ABCA9: variants seen among roughly 807,000 people sequenced by gnomAD.
ABCA9 encodes the protein ATP binding cassette subfamily A member 9, also known as ATP-binding cassette sub-family A member 9.
In ABCA9, 183 loss-of-function variants were observed where a neutral mutation model predicts 205.3. The ratio of observed to expected loss-of-function variants is 0.89; its 90% CI spans 0.79 to 1.01. The LOEUF (loss-of-function observed/expected upper bound fraction) is 1.01. Ranked by LOEUF, ABCA9 falls within the 50% of genes least tolerant of loss-of-function variation. ABCA9 has a pLI of 0.00. For synonymous variants in ABCA9, 651 were observed against 683.3 expected (o/e 0.95, Z 0.74); for missense variants, 1,805 against 1,912.4 (o/e 0.94, Z 1.05).
chr17:69,036,897 AAGC>A (rs2071359729), intron 6 of ABCA9, among the ~76,000 whole-genome samples: 2 of 144,548 alleles, frequency 1.4e-5, no homozygotes, highest in African/African-American at 5.2e-5. Flanking sequence ...AAAAAAAAAA[AAGC>A]AGAGGTTGCA....
chr17:69,045,101 C>T (rs1409650241), intron 4 of ABCA9, 71 bp downstream of exon 4: 3 of 1,297,934 alleles, frequency 2.3e-6, no homozygotes, highest in Non-Finnish European at 3.2e-6. Context: ...TTCACCTCTG[C>T]TATCAGGTAT....
At chr17:69,049,980 A>T (rs1259034041) in intron 2 of ABCA9, among the ~76,000 whole-genome samples, 2 of 152,252 alleles carry the variant, frequency 1.3e-5, no homozygotes, top group South Asian at 2.1e-4. Flanking sequence ...TCGTGACCAC[A>T]TTCGGGAATT....
In ABCA9 at chr17:69,027,081, C is replaced by T; in HGVS notation, c.1945G>A (p.Asp649Asn). ...CATATTCGGTGCCTTGAAAGAGGAT[C>T]CAATCCAGCAGTCGGTTCATCCAAT... ...LLLDEPTAGL[D>N]PLSRHRIWNL... The change falls in exon 15 of 39, where the codon GAT becomes AAT. Residue 649 changes from aspartate to asparagine, a missense_variant. By Grantham distance (23) the Asp-to-Asn change is conservative. Coordinates refer to ENST00000340001, the MANE Select transcript of ABCA9 (RefSeq NM_080283.4). 6.2e-7 allele frequency: 1 copy of T among 1,614,106 alleles called. No homozygotes were observed.
chr17:69,031,871 A>G (rs779982627), intron 10 of ABCA9, among the ~76,000 whole-genome samples: 16 of 152,240 alleles, frequency 1.1e-4, no homozygotes, highest in Non-Finnish European at 1.6e-4. Flanking sequence ...AAATTCAAAA[A>G]TTATTTACTT....
At chr17:69,009,466 T>C (rs555317189) in intron 23 of ABCA9, among the ~76,000 whole-genome samples, 1 of 152,292 alleles carries the variant, frequency 6.6e-6, no homozygotes, top group African/African-American at 2.4e-5. Context: ...TGGAGCATGG[T>C]TATCAAGGTG....
rs1404041550 is a variant in ABCA9 at position 68,986,245 on chromosome 17, T to C, written c.4127A>G (p.Asn1376Ser). The C allele has an allele frequency of 5.6e-6, 9 of 1,613,990 alleles. No individual in the cohort carries two copies. Among genetic ancestry groups the C allele is most frequent in the African/African-American group, 2.7e-5 (2 of 74,930 alleles). ...YCPQENALWP[N>S]LTVRQHLEVY... ...CTCCAGGTGCTGCCTCACTGTCAGG[T>C]TGGGCCACAGCGCATTCTCCTGAGG... Residue 1376 changes from asparagine (N) to serine (S), a missense_variant, in exon 32 of 39, where the codon AAC becomes AGC. Asn to Ser is a conservative substitution (Grantham distance 46, BLOSUM62 1). Coordinates refer to ENST00000340001, the MANE Select transcript of ABCA9 (RefSeq NM_080283.4).
At chr17:69,046,875 C>CTCTATA (rs1827921165) in intron 3 of ABCA9, among the ~76,000 whole-genome samples, 2 of 127,766 alleles carry the variant, frequency 1.6e-5, no homozygotes, top group South Asian at 5.1e-4. Flanking sequence ...CGATTTTATA[C>CTCTATA]TATATATATA....
the ABCA9 span, chr17:69,078,894 T>C: frequency 2.5e-6 from 2 of 785,914 alleles, no homozygotes; most frequent in Non-Finnish European, 3.8e-6. Flanking sequence ...AAATGATCTT[T>C]AAAATTAAAC....
Position 69,035,432 on chromosome 17 carries a change from C to T in ABCA9, c.943-1G>A. Reference sequence around the variant, plus strand: ...CACTCATCAGGAAAGCTAAAGTTATCTGAGAAAAGAGAAAGACTTCAGCTG... The same window carrying T: ...CACTCATCAGGAAAGCTAAAGTTATTTGAGAAAAGAGAAAGACTTCAGCTG... On this transcript the variant is annotated splice_acceptor_variant, in intron 7 of 38. Coordinates refer to ENST00000340001, the MANE Select transcript of ABCA9 (RefSeq NM_080283.4). LOFTEE classifies it high-confidence loss of function. 6.4e-7 allele frequency: 1 copy of T among 1,563,008 alleles called. No homozygotes were observed. Among genetic ancestry groups the T allele is most frequent in the Non-Finnish European group, 8.6e-7 (1 of 1,160,382 alleles).
At chr17:69,029,274 G>A (rs749881750) in intron 10 of ABCA9, 47 bp from the exon 11 acceptor site, 5 of 1,253,258 alleles carry the variant, frequency 4.0e-6, no homozygotes, top group Non-Finnish European at 5.6e-6. Context: ...AAAATGTGCA[G>A]AGGATTGATA....
chr17:69,045,504 T>C (rs557085412), intron 3 of ABCA9, among the ~76,000 whole-genome samples, 168 bp from the exon 4 acceptor site: 2 of 150,868 alleles, frequency 1.3e-5, no homozygotes, highest in East Asian at 3.9e-4. Flanking sequence ...ATGTTCTAGA[T>C]AAAATCAGAA....
intron 22 of ABCA9, among the ~76,000 whole-genome samples, chr17:69,015,983 G>A (rs987779117): frequency 2.6e-5 from 4 of 151,552 alleles, no homozygotes; most frequent in Admixed American, 2.6e-4. Context: ...GTGTGTGTGT[G>A]TGTGTGTGTG....
the ABCA9 span, among the ~76,000 whole-genome samples, chr17:69,068,487 C>T: frequency 7.9e-5 from 12 of 152,216 alleles, no homozygotes; most frequent in African/African-American, 2.6e-4. Context: ...ACAGAGATCA[C>T]ATTTAAAGAA....
In ABCA9 at chr17:68,989,954, C is replaced by T. The variant is rs199979677; in HGVS notation, c.3838-24G>A. The T allele has an allele frequency of 1.2e-4, 177 of 1,520,844 alleles. 1 individual carries two copies. The East Asian group carries it at 1.9e-3, about 17-fold the overall frequency. 94.2% of individuals were successfully genotyped at this position (1,520,844 alleles called of 1,614,324 possible). ...GTCTGTAAAGACAAGTAAATAACAA[C>T]GGGACTTTATTCGCATCTTGAACTG... On this transcript the variant is annotated intron_variant, in intron 29 of 38. Coordinates refer to ENST00000340001, the MANE Select transcript of ABCA9 (RefSeq NM_080283.4).
chr17:68,987,788 TTCTC>T (rs1006527571), intron 31 of ABCA9, among the ~76,000 whole-genome samples: 2 of 151,152 alleles, frequency 1.3e-5, no homozygotes, highest in African/African-American at 4.9e-5. Context: ...GAGATGGAGT[TTCTC>T]TATTGTTGCC....
chr17:68,990,757 T>A (rs2069422950), intron 29 of ABCA9, 80 bp downstream of exon 29: 1 of 1,563,146 alleles, frequency 6.4e-7, no homozygotes, highest in African/African-American at 1.4e-5. Context: ...CAAGTGTTTT[T>A]CGAAAACTAA....
Position 69,035,449 on chromosome 17 carries a change from C to T in ABCA9, c.943-18G>A. 1 of 1,551,050 alleles carries T rather than the reference C, an allele frequency of 6.4e-7. No homozygotes were observed. Among genetic ancestry groups the T allele is most frequent in the Non-Finnish European group, 8.7e-7 (1 of 1,154,830 alleles). ...AAAGTTATCTGAGAAAAGAGAAAGA[C>T]TTCAGCTGGTATATAATTCTGTGAG... is the stretch of plus-strand genomic sequence containing the variant. On this transcript the variant is annotated intron_variant, in intron 7 of 38. Transcript: ENST00000340001.
At chr17:69,007,331 G>A (rs1434484428) in intron 25 of ABCA9, among the ~76,000 whole-genome samples, 1 of 152,116 alleles carries the variant, frequency 6.6e-6, no homozygotes, top group Non-Finnish European at 1.5e-5. Context: ...AACATGGGAG[G>A]CGGAGGTTGC....
chr17:68,976,109 A>T (rs2191212), intron 38 of ABCA9, 26 bp downstream of exon 38: 982,342 of 1,607,980 alleles, frequency 0.61, 311,457 homozygotes, highest in Non-Finnish European at 0.65. Context: ...TCCATGGATG[A>T]TATAGAATCA....
Sources: allele counts gnomAD v4.1 joint callset (sites outside exome capture counted in the v4.1 genomes callset), GRCh38; gene constraint gnomAD v4.1.1; transcripts MANE v1.5; gene names NCBI Gene and HGNC (gene_info 2026-07-23, HGNC 2026-07-21).